Variants in PPP2R2D observed in about 807,000 individuals in gnomAD.
PPP2R2D encodes serine/threonine-protein phosphatase 2A 55 kDa regulatory subunit B delta isoform.
PPP2R2D carries 9 observed loss-of-function variants against 31.1 expected under a neutral mutation model. The observed-to-expected ratio is 0.29, with a 90% CI of 0.17 to 0.51. PPP2R2D has a LOEUF of 0.51. Ranked by LOEUF, PPP2R2D falls within the 20% of genes least tolerant of loss-of-function variation. PPP2R2D has a pLI of 0.98. For synonymous variants in PPP2R2D, 179 were observed against 172.6 expected (o/e 1.04, Z -0.29); for missense variants, 391 against 465.6 (o/e 0.84, Z 1.48).
rs562202186 is a variant in PPP2R2D at position 131,947,541 on chromosome 10, C to G, written c.832C>G (p.Pro278Ala). The change falls in exon 8 of 9, where the codon CCT becomes GCT. Residue 278 changes from proline to alanine, a missense_variant. By Grantham distance (27) the Pro-to-Ala change is conservative. Transcript: ENST00000455566. The surrounding 1 kb of genome is among the most constrained non-coding windows in gnomAD (Gnocchi z 4.3). Reference protein sequence around the residue: ...CDRHSKFFEEPEDPSSRSFFS... With the variant: ...CDRHSKFFEEAEDPSSRSFFS... The stretch of plus-strand genomic sequence containing the variant: ...ATTTTGTTTTTCAGTTTTTGAAGAG[C>G]CTGAAGATCCCAGCAGTAGGTCCTT... The G allele has an allele frequency of 1.2e-6, 2 of 1,613,440 alleles. No homozygotes were observed. The highest frequency in any genetic ancestry group is 2.2e-5 in the East Asian group (1 of 44,862).
Position 131,928,260 on chromosome 10 carries a change from G to C in PPP2R2D, c.101-6198G>C, listed in dbSNP as rs1019727476. On this transcript the variant is annotated intron_variant, in intron 2 of 8. Coordinates refer to ENST00000455566, the MANE Select transcript of PPP2R2D (RefSeq NM_018461.5). ...TTATAACCACCTCCTGGGCTGCTAG[G>C]CCACCTCAGTTCCTGGTGGCCAGGT... Among the ~76,000 whole-genome samples the C allele has an allele frequency of 2.6e-5, 4 of 152,134 alleles. No individual in the cohort carries two copies. The South Asian group carries it at 8.3e-4, about 32-fold the overall frequency.
chr10:131,968,043 T>C, the PPP2R2D span: 2 of 153,396 alleles, frequency 1.3e-5, no homozygotes, highest in Non-Finnish European at 2.9e-5. Context: ...ACAACCTGCA[T>C]CCATTTAAAT....
chr10:131,970,598 C>T, the PPP2R2D span: 17 of 1,604,518 alleles, frequency 1.1e-5, no homozygotes, highest in African/African-American at 9.4e-5. This position sits in a 1 kb window ranked among gnomAD's most constrained non-coding sequence, Gnocchi z 4.1. Flanking sequence ...AATCGCCCCA[C>T]GACATGCCAT....
chr10:131,944,563 G>A (rs1164191727), intron 6 of PPP2R2D, among the ~76,000 whole-genome samples: 3 of 152,212 alleles, frequency 2.0e-5, no homozygotes, highest in Admixed American at 6.5e-5. Context: ...TTCTGTGGCT[G>A]TGCACAGTCT....
intron 2 of PPP2R2D, among the ~76,000 whole-genome samples, chr10:131,930,872 A>G (rs1247371572): frequency 6.6e-6 from 1 of 152,126 alleles, no homozygotes; most frequent in Non-Finnish European, 1.5e-5. Context: ...TGATTGTCTT[A>G]TCCTTCCTGT....
chr10:131,940,921 T>C, intron 5 of PPP2R2D: 1 of 441,034 alleles, frequency 2.3e-6, no homozygotes. Context: ...AACACAGCAA[T>C]ACTAAGGGGA....
the PPP2R2D span, chr10:131,966,972 C>G: frequency 2.0e-5 from 3 of 150,364 alleles, no homozygotes; most frequent in African/African-American, 7.4e-5. Flanking sequence ...CCTCTGCCTT[C>G]TGGGTTCCAG....
chr10:131,935,507 TGGA>T (rs34338526), intron 3 of PPP2R2D, among the ~76,000 whole-genome samples: 16,486 of 152,180 alleles, frequency 0.11, 966 homozygotes, highest in Non-Finnish European at 0.14. Context: ...AAGGGGAGCC[TGGA>T]GGAGGACTGT....
chr10:131,916,553 G>GC (rs1185925077), intron 2 of PPP2R2D, among the ~76,000 whole-genome samples: 3 of 151,876 alleles, frequency 2.0e-5, no homozygotes, highest in African/African-American at 4.8e-5. Flanking sequence ...CCCTTCCCCG[G>GC]CCCCTGGCGA....
At position 131,947,488 on chromosome 10, in the gene PPP2R2D, ATTTT is replaced by A. The variant is rs782347723; in HGVS notation, c.821-40_821-37del. The A allele has an allele frequency of 1.3e-6, 2 of 1,590,248 alleles. No individual in the cohort carries two copies. The highest frequency in any genetic ancestry group is 1.3e-5 in the African/African-American group (1 of 74,442). ...GAACTTGAAAATGATTTGTTCTCTG[ATTTT>A]TAAACAGAAGCTGAAAACATTTTAT... On this transcript the variant is annotated intron_variant, in intron 7 of 8. Coordinates refer to ENST00000455566, the MANE Select transcript of PPP2R2D (RefSeq NM_018461.5). This position sits in a 1 kb window ranked among gnomAD's most constrained non-coding sequence, Gnocchi z 4.3.
the PPP2R2D span, chr10:131,967,532 G>A: frequency 1.1e-4 from 17 of 152,388 alleles, no homozygotes; most frequent in African/African-American, 3.4e-4. Flanking sequence ...TTTAACACCC[G>A]AATTAAGCGT....
intron 2 of PPP2R2D, chr10:131,912,039 T>C (rs1352305608): frequency 6.6e-6 from 1 of 152,222 alleles, no homozygotes; most frequent in Non-Finnish European, 1.5e-5. Context: ...TGTATCTTTG[T>C]AGATCATTTT....
Position 131,947,843 on chromosome 10 carries a change from A to G in PPP2R2D, c.1082+52A>G, listed in dbSNP as rs782378596. 73 of 1,592,960 alleles carry G rather than the reference A, an allele frequency of 4.6e-5. No individual in the cohort carries two copies. Among genetic ancestry groups the G allele is most frequent in the Non-Finnish European group, 6.2e-5 (72 of 1,165,954 alleles). ...CGCCCCAAGCTTGCTGGTTTCCGAGAGTGCAAGGTCAGTGAGGGAGGCGAG... is the reference window on the plus strand; with the variant it reads ...CGCCCCAAGCTTGCTGGTTTCCGAGGGTGCAAGGTCAGTGAGGGAGGCGAG... On this transcript the variant is annotated intron_variant, in intron 8 of 8. Coordinates refer to ENST00000455566, the MANE Select transcript of PPP2R2D (RefSeq NM_018461.5). This position sits in a 1 kb window ranked among gnomAD's most constrained non-coding sequence, Gnocchi z 4.3.
intron 2 of PPP2R2D, among the ~76,000 whole-genome samples, chr10:131,923,412 T>G (rs554757624): frequency 6.6e-6 from 1 of 152,200 alleles, no homozygotes; most frequent in African/African-American, 2.4e-5. Context: ...CTGTGGACAT[T>G]CTTGTACATG....
At chr10:131,925,846 T>TACGAGGCC (rs1391444782) in intron 2 of PPP2R2D, among the ~76,000 whole-genome samples, 3 of 152,182 alleles carry the variant, frequency 2.0e-5, no homozygotes, top group Non-Finnish European at 4.4e-5. Flanking sequence ...ACAAATTGAA[T>TACGAGGCC]ACGAGGCCAC....
At chr10:131,906,974 T>C (rs2035598754) in intron 2 of PPP2R2D, among the ~76,000 whole-genome samples, 1 of 151,528 alleles carries the variant, frequency 6.6e-6, no homozygotes, top group African/African-American at 2.4e-5. Flanking sequence ...ATTATATATG[T>C]ATATATATAA....
At chr10:131,930,633 T>C (rs2036203886) in intron 2 of PPP2R2D, among the ~76,000 whole-genome samples, 1 of 152,240 alleles carries the variant, frequency 6.6e-6, no homozygotes, top group Non-Finnish European at 1.5e-5. Flanking sequence ...GCAACCTGTG[T>C]GATGCCATCT....
intron 8 of PPP2R2D, among the ~76,000 whole-genome samples, chr10:131,955,050 G>C (rs189041221): frequency 6.6e-6 from 1 of 152,176 alleles, no homozygotes; most frequent in Non-Finnish European, 1.5e-5. Flanking sequence ...GGATGTGTGC[G>C]GTAGTAGAAT....
intron 3 of PPP2R2D, among the ~76,000 whole-genome samples, chr10:131,938,145 C>T (rs1554896723): frequency 2.0e-5 from 3 of 152,226 alleles, no homozygotes; most frequent in African/African-American, 7.2e-5. Flanking sequence ...AAGGAATGCC[C>T]TGCACATTGG....
Sources: allele counts gnomAD v4.1 joint callset (sites outside exome capture counted in the v4.1 genomes callset), GRCh38; gene constraint gnomAD v4.1.1; non-coding constraint Gnocchi (gnomAD v3.1); transcripts MANE v1.5; gene names NCBI Gene and HGNC (gene_info 2026-07-23, HGNC 2026-07-21).